The following CYP46A1 variants were observed in gnomAD, a reference collection of about 807,000 sequenced individuals.
CYP46A1 encodes cytochrome P450 family 46 subfamily A member 1.
In CYP46A1, 20 loss-of-function variants were observed where a neutral mutation model predicts 63.3. The observed-to-expected ratio is 0.32, with a 90% CI of 0.22 to 0.46. The LOEUF is 0.46. Among genes scored for constraint, CYP46A1 ranks in the 20% least tolerant of loss-of-function variants. The pLI is 1.00. For missense variants in CYP46A1, 445 were observed against 670.8 expected, an observed-to-expected ratio of 0.66 and a Z score of 3.72; for synonymous variants, 268 against 273.6, an observed-to-expected ratio of 0.98 and a Z score of 0.20.
intron 3 of CYP46A1, among the ~76,000 whole-genome samples, chr14:99,695,051 A>G (rs1390245387): frequency 6.6e-6 from 1 of 152,104 alleles, no homozygotes; most frequent in Non-Finnish European, 1.5e-5. Context: ...TGAACCATGG[A>G]TTATTTGGAT....
Position 99,721,961 on chromosome 14 carries a change from CAA to C in CYP46A1, c.1073_1074del (p.Lys358ArgfsTer23). The C allele has an allele frequency of 6.2e-7, 1 of 1,613,122 alleles. No homozygotes were observed. The highest frequency in any genetic ancestry group is 8.5e-7 in the Non-Finnish European group (1 of 1,179,396). On this transcript the variant is annotated frameshift_variant, in exon 12 of 15. Transcript: ENST00000261835. LOFTEE classifies it high-confidence loss of function. ...TCCCCTTGTGGCTTCTCTAGGTCCT[CAA>C]AGAGTCGCTGAGGCTGTACCCACCA... The part of the protein sequence containing the change: ...GRLQYLSQVL[K>X]ESLRLYPPAW...
intron 14 of CYP46A1, 131 bp from the exon 15 acceptor site, chr14:99,726,426 C>A: frequency 8.4e-7 from 1 of 1,190,990 alleles, no homozygotes; most frequent in Non-Finnish European, 1.2e-6. Flanking sequence ...GAGGAGAGCG[C>A]AAAACAGGAG....
intron 1 of CYP46A1, among the ~76,000 whole-genome samples, chr14:99,687,785 C>T (rs963739170): frequency 2.0e-5 from 3 of 152,112 alleles, no homozygotes; most frequent in African/African-American, 4.8e-5. Context: ...GATTGCCTCT[C>T]CTCTCTCCCA....
At chr14:99,702,174 C>G (rs2056637547) in intron 5 of CYP46A1, among the ~76,000 whole-genome samples, 1 of 151,364 alleles carries the variant, frequency 6.6e-6, no homozygotes, top group South Asian at 2.1e-4. Flanking sequence ...TTTTTGCATT[C>G]TAGACATTTT....
intron 5 of CYP46A1, among the ~76,000 whole-genome samples, chr14:99,704,676 T>G (rs61076771): frequency 0.31 from 47,812 of 152,140 alleles, 8,139 homozygotes; most frequent in South Asian, 0.39. Flanking sequence ...ATAATCAACT[T>G]AAATGAGATT....
At position 99,695,430 on chromosome 14, in the gene CYP46A1, A is replaced by G. The variant is rs1403212137; in HGVS notation, c.282+3569A>G. 6.9e-6 allele frequency: 3 copies of G among 432,566 alleles called. No individual in the cohort carries two copies. The Admixed American group carries it at 7.9e-5, about 11-fold the overall frequency. The allele number at this position is 432,566 out of a possible 1,614,324, so 26.8% of individuals were successfully genotyped here. On this transcript the variant is annotated intron_variant, in intron 3 of 14. Coordinates refer to ENST00000261835, the MANE Select transcript of CYP46A1 (RefSeq NM_006668.2). ...CATAGATTTATCTATTTCTACTTTC[A>G]GTTCCATTAGTTTGGCTTCCTGCAT...
rs959056178 is a variant in CYP46A1, at chr14:99,725,546, G to A, written c.1265+67G>A. 1.9e-5 allele frequency: 24 copies of A among 1,262,262 alleles called. No individual in the cohort carries two copies. Among genetic ancestry groups the A allele is most frequent in the Non-Finnish European group, 2.3e-5 (20 of 863,828 alleles). The allele number at this position is 1,262,262 out of a possible 1,614,324, so 78.2% of individuals were successfully genotyped here. ...AGAAGGACAGACACAGCGGCCTCTG[G>A]TCTGAGCCAGAGGCACCCACTCAGC... On this transcript the variant is annotated intron_variant, in intron 13 of 14. Coordinates refer to ENST00000261835, the MANE Select transcript of CYP46A1 (RefSeq NM_006668.2). The surrounding 1 kb of genome is among the most constrained non-coding windows in gnomAD (Gnocchi z 4.2).
intron 3 of CYP46A1, chr14:99,695,359 C>T: frequency 5.6e-6 from 2 of 356,316 alleles, no homozygotes; most frequent in Non-Finnish European, 1.1e-5. Context: ...TTTCTGTCTA[C>T]TTGTTCTAGT....
chr14:99,718,491 G>C (rs568305438), intron 10 of CYP46A1, among the ~76,000 whole-genome samples: 76 of 152,326 alleles, frequency 5.0e-4, no homozygotes, highest in Admixed American at 1.4e-3. Context: ...TCCCCACAGC[G>C]TACCCAGTGC....
At chr14:99,692,085 C>T (rs549791030) in intron 3 of CYP46A1, among the ~76,000 whole-genome samples, 8 of 152,294 alleles carry the variant, frequency 5.3e-5, no homozygotes, top group African/African-American at 1.9e-4. Flanking sequence ...GGGGACCTTG[C>T]TGTCCCCATT....
Position 99,684,517 on chromosome 14 carries a change from C to T in CYP46A1, c.100C>T (p.Pro34Ser). Residue 34 changes from proline to serine, a missense_variant, in exon 1 of 15, where the codon CCC (proline) becomes TCC (serine). By Grantham distance (74) the Pro-to-Ser change is moderately conservative (BLOSUM62 -1). Coordinates refer to ENST00000261835, the MANE Select transcript of CYP46A1 (RefSeq NM_006668.2). Reference sequence around the variant, plus strand: ...CGCTCGCAGCCGCTACGAGCACATCCCCGGGCCGCCGCGGCCCAGGTGAGC... The same window carrying T: ...CGCTCGCAGCCGCTACGAGCACATCTCCGGGCCGCCGCGGCCCAGGTGAGC... ...HRARSRYEHI[P>S]GPPRPSFLLG... 1 of 1,475,094 alleles carries T rather than the reference C, an allele frequency of 6.8e-7. No homozygotes were observed. Among genetic ancestry groups the T allele is most frequent in the Non-Finnish European group, 8.9e-7 (1 of 1,118,182 alleles). The allele number at this position is 1,475,094 out of a possible 1,614,324, so 91.4% of individuals were successfully genotyped here.
intron 14 of CYP46A1, 106 bp from the exon 15 acceptor site, chr14:99,726,451 C>CA: frequency 7.9e-7 from 1 of 1,270,302 alleles, no homozygotes; most frequent in Non-Finnish European, 1.1e-6. Flanking sequence ...CCCAGGCTCT[C>CA]ACAGGCTCTC....
chr14:99,691,253 C>G (rs896200809), intron 2 of CYP46A1, 92 bp downstream of exon 2: 1 of 1,274,622 alleles, frequency 7.8e-7, no homozygotes, highest in African/African-American at 1.5e-5. Context: ...CCCAGCCTCA[C>G]CTTCCCCTAG....
intron 3 of CYP46A1, among the ~76,000 whole-genome samples, chr14:99,694,158 T>C (rs570052095): frequency 2.2e-4 from 33 of 152,232 alleles, no homozygotes; most frequent in Non-Finnish European, 4.7e-4. Context: ...TGTTTCAGCA[T>C]TTCCTTCTCT....
At chr14:99,723,422 C>CTGGGA (rs2056867526) in intron 12 of CYP46A1, among the ~76,000 whole-genome samples, 1 of 152,210 alleles carries the variant, frequency 6.6e-6, no homozygotes, top group African/African-American at 2.4e-5. Context: ...GATTCTCGTG[C>CTGGGA]CTCGGCCTCC....
chr14:99,707,230 T>G (rs3783321), intron 6 of CYP46A1, among the ~76,000 whole-genome samples: 47,636 of 152,138 alleles, frequency 0.31, 8,076 homozygotes, highest in South Asian at 0.39. Context: ...ACTGGATTCC[T>G]CTTTATCACA....
intron 1 of CYP46A1, among the ~76,000 whole-genome samples, chr14:99,685,789 T>C (rs988642354): frequency 7.2e-5 from 11 of 151,852 alleles, no homozygotes; most frequent in African/African-American, 2.4e-4. Context: ...GCACCTGTTC[T>C]CCCTGCTGGC....
At chr14:99,703,323 C>T (rs2140122264) in intron 5 of CYP46A1, among the ~76,000 whole-genome samples, 1 of 152,314 alleles carries the variant, frequency 6.6e-6, no homozygotes, top group Non-Finnish European at 1.5e-5. Context: ...ACAGCCTCCT[C>T]ATTGGCCTAC....
At chr14:99,724,195 G>T (rs373915902) in intron 12 of CYP46A1, among the ~76,000 whole-genome samples, 23 of 151,888 alleles carry the variant, frequency 1.5e-4, no homozygotes, top group Admixed American at 4.6e-4. Context: ...AAACACAGCC[G>T]CATTCTGAGG....
Sources: gnomAD v4.1 joint callset for allele counts (sites outside exome capture counted in the v4.1 genomes callset) on GRCh38, gnomAD v4.1.1 for gene constraint, Gnocchi (gnomAD v3.1) non-coding constraint, MANE v1.5 for transcripts, NCBI Gene and HGNC (gene_info 2026-07-23, HGNC 2026-07-21) for gene names.